The following CD200R1 variants were observed in gnomAD, a reference collection of about 807,000 sequenced individuals.
The protein encoded by CD200R1 is CD200 receptor 1, also known as cell surface glycoprotein CD200 receptor 1.
Under a neutral mutation model 38.1 loss-of-function variants are expected in CD200R1, and 30 were observed. The observed-to-expected ratio is 0.79, with a 90% confidence interval of 0.59 to 1.07. The LOEUF is 1.07. Ranked by LOEUF, CD200R1 falls within the 50% of genes least tolerant of loss-of-function variation. The pLI is 0.00. For missense variants in CD200R1, 372 were observed against 415.4 expected, an observed-to-expected ratio of 0.90 and a Z score of 0.91; for synonymous variants, 128 against 152.1, an observed-to-expected ratio of 0.84 and a Z score of 1.16.
At chr3:112,939,024 A>C (rs1328877756) in intron 2 of CD200R1, among the ~76,000 whole-genome samples, 1 of 152,024 alleles carries the variant, frequency 6.6e-6, no homozygotes, top group Non-Finnish European at 1.5e-5. Flanking sequence ...AAACTAGGTG[A>C]TTATTTTAAT....
chr3:112,956,522 G>A (rs187132203), intron 1 of CD200R1, among the ~76,000 whole-genome samples: 167 of 152,002 alleles, frequency 1.1e-3, no homozygotes, highest in African/African-American at 3.8e-3. Context: ...ATGTCTTTGT[G>A]GTTGGTCACT....
At chr3:112,949,500 G>T (rs1314420162) in intron 1 of CD200R1, among the ~76,000 whole-genome samples, 1 of 152,182 alleles carries the variant, frequency 6.6e-6, no homozygotes, top group African/African-American at 2.4e-5. Context: ...ATAACTAGCA[G>T]ATATGATTAT....
intron 1 of CD200R1, among the ~76,000 whole-genome samples, chr3:112,966,767 A>C (rs1322699533): frequency 6.6e-6 from 1 of 151,978 alleles, no homozygotes; most frequent in African/African-American, 2.4e-5. Context: ...AAAAAAAAAA[A>C]CTTTATTAGA....
At position 112,929,097 on chromosome 3, in the gene CD200R1, G is replaced by A. The variant is rs375863998; in HGVS notation, c.521-33C>T. On this transcript the variant is annotated intron_variant, in intron 4 of 7. Coordinates refer to ENST00000308611, the MANE Select transcript of CD200R1 (RefSeq NM_138806.4). ...GAGGAAAGAGGGAAAAAAATGCTTC[G>A]GTTTTCACATAAAGCATATGGAATT... 1.9e-5 allele frequency: 30 copies of A among 1,612,428 alleles called. 1 individual carries two copies. The highest frequency in any genetic ancestry group is 1.3e-4 in the Admixed American group (8 of 59,882).
At chr3:112,950,258 C>T (rs1002633902) in intron 1 of CD200R1, among the ~76,000 whole-genome samples, 1 of 151,696 alleles carries the variant, frequency 6.6e-6, no homozygotes, top group Non-Finnish European at 1.5e-5. Context: ...AAAAATTAGC[C>T]GGATGTGGTG....
chr3:112,935,470 C>T (rs1273022264), intron 2 of CD200R1, among the ~76,000 whole-genome samples: 2 of 152,088 alleles, frequency 1.3e-5, no homozygotes, highest in African/African-American at 2.4e-5. Flanking sequence ...AGTTAAACAG[C>T]ATGTTCCTGA....
intron 1 of CD200R1, among the ~76,000 whole-genome samples, chr3:112,959,725 A>G (rs1018733305): frequency 2.6e-5 from 4 of 152,118 alleles, no homozygotes; most frequent in Admixed American, 6.6e-5. Flanking sequence ...TCAAACTTCA[A>G]TAAGTCTCAA....
At chr3:112,945,210 TAAAC>T (rs907449612) in intron 2 of CD200R1, among the ~76,000 whole-genome samples, 2 of 152,138 alleles carry the variant, frequency 1.3e-5, no homozygotes, top group African/African-American at 4.8e-5. Flanking sequence ...TTTATGGACA[TAAAC>T]AAACTGATTT....
chr3:112,967,585 G>C (rs1026089101), intron 1 of CD200R1, among the ~76,000 whole-genome samples: 1 of 152,166 alleles, frequency 6.6e-6, no homozygotes, highest in Non-Finnish European at 1.5e-5. Flanking sequence ...TGTCTGTCTT[G>C]ATCAAATGTC....
chr3:112,924,687 A>G, intron 6 of CD200R1, 152 bp from the exon 7 acceptor site: 1 of 481,864 alleles, frequency 2.1e-6, no homozygotes, highest in South Asian at 5.7e-5. Flanking sequence ...TAAGTGAAGA[A>G]TACTGCTCGT....
At chr3:112,950,265 G>A (rs1940948195) in intron 1 of CD200R1, among the ~76,000 whole-genome samples, 1 of 152,028 alleles carries the variant, frequency 6.6e-6, no homozygotes, top group African/African-American at 2.4e-5. Context: ...AGCCGGATGT[G>A]GTGGCAGATG....
chr3:112,949,241 C>T lies in CD200R1; in HGVS notation c.68-1317G>A, dbSNP rs375392017. 2.6e-4 allele frequency among the ~76,000 whole-genome samples: 40 copies of T among 152,340 alleles called. 1 individual carries two copies. In the South Asian group the frequency reaches 8.1e-3, roughly 31 times the overall value. On this transcript the variant is annotated intron_variant, in intron 1 of 7. Coordinates refer to ENST00000308611, the MANE Select transcript of CD200R1 (RefSeq NM_138806.4). ...GGCTCTAACTGTGCAAGGCACAAAG[C>T]TCCTGGAATGTGTTCACAAGGAAAA...
chr3:112,921,537 G>A lies in CD200R1; in HGVS notation c.*2140C>T, dbSNP rs918715539. 3.3e-5 allele frequency: 5 copies of A among 151,978 alleles called. No homozygotes were observed. Among genetic ancestry groups the A allele is most frequent in the Admixed American group, 2.0e-4 (3 of 15,230 alleles). The allele number at this position is 151,978 out of a possible 1,614,324, so 9.4% of individuals were successfully genotyped here. ...GGGATGGGGAGAAAGCACAGTAAATGAGACATATAAAATGTTATTTGTAAA... is the reference window on the plus strand; with the variant it reads ...GGGATGGGGAGAAAGCACAGTAAATAAGACATATAAAATGTTATTTGTAAA... On this transcript the variant is annotated 3_prime_UTR_variant, in exon 8 of 8. Transcript: ENST00000308611.
intron 1 of CD200R1, among the ~76,000 whole-genome samples, chr3:112,970,507 A>G (rs968701554): frequency 3.0e-4 from 46 of 152,186 alleles, no homozygotes; most frequent in Non-Finnish European, 7.3e-5. Context: ...ATAACCACAG[A>G]TCTGCTCCCA....
intron 2 of CD200R1, among the ~76,000 whole-genome samples, chr3:112,938,787 G>C (rs1040440469): frequency 6.6e-6 from 1 of 151,898 alleles, no homozygotes; most frequent in Non-Finnish European, 1.5e-5. Flanking sequence ...CATTTGACAA[G>C]CCCAGCATGA....
At chr3:112,945,727 A>C (rs184748195) in intron 2 of CD200R1, among the ~76,000 whole-genome samples, 8 of 152,332 alleles carry the variant, frequency 5.3e-5, no homozygotes, top group Admixed American at 5.2e-4. Context: ...TAAAATTAAA[A>C]ATTTCTACTC....
At chr3:112,934,964 T>G (rs1443207292) in intron 2 of CD200R1, among the ~76,000 whole-genome samples, 1 of 151,916 alleles carries the variant, frequency 6.6e-6, no homozygotes, top group Non-Finnish European at 1.5e-5. Context: ...TTACATTAGA[T>G]AAAACAGACT....
intron 5 of CD200R1, among the ~76,000 whole-genome samples, chr3:112,928,246 T>C (rs1940326395): frequency 2.6e-5 from 4 of 152,212 alleles, no homozygotes; most frequent in African/African-American, 4.8e-5. Flanking sequence ...AGCTAATGTT[T>C]TTCAGGAAGC....
intron 2 of CD200R1, among the ~76,000 whole-genome samples, chr3:112,932,448 T>C (rs1422897974): frequency 6.6e-6 from 1 of 151,988 alleles, no homozygotes; most frequent in Non-Finnish European, 1.5e-5. Flanking sequence ...GCAGCTGACA[T>C]AACCCTAGGC....
Sources: gnomAD v4.1 joint callset for allele counts (sites outside exome capture counted in the v4.1 genomes callset) on GRCh38, gnomAD v4.1.1 for gene constraint, MANE v1.5 for transcripts, NCBI Gene and HGNC (gene_info 2026-07-23, HGNC 2026-07-21) for gene names.